ERC2: variants seen among roughly 807,000 people sequenced by gnomAD.
The protein encoded by ERC2 is ERC protein 2.
In ERC2, 42 loss-of-function variants were observed where a neutral mutation model predicts 114.8. The ratio of observed to expected loss-of-function variants is 0.37; its 90% CI spans 0.29 to 0.47. ERC2 has a LOEUF of 0.47. ERC2 is among the 20% of genes least tolerant of loss of function. ERC2 has a pLI of 0.99. For missense variants in ERC2, 939 were observed against 1,150.7 expected, an observed-to-expected ratio of 0.82 and a Z score of 2.66; for synonymous variants, 454 against 425.5, an observed-to-expected ratio of 1.07 and a Z score of -0.82.
chr3:55,972,963 G>C (rs1372403339), intron 12 of ERC2, among the ~76,000 whole-genome samples: 1 of 152,178 alleles, frequency 6.6e-6, no homozygotes, highest in African/African-American at 2.4e-5. Flanking sequence ...ACACTGAATG[G>C]GGAATGAGGG....
intron 17 of ERC2, among the ~76,000 whole-genome samples, chr3:55,671,318 T>C (rs932042589): frequency 2.0e-5 from 3 of 152,194 alleles, no homozygotes; most frequent in African/African-American, 2.4e-5. Flanking sequence ...ATTTCTTCAA[T>C]AAAAAAATCT....
intron 17 of ERC2, among the ~76,000 whole-genome samples, chr3:55,622,725 C>G (rs1347384223): frequency 6.6e-6 from 1 of 151,810 alleles, no homozygotes; most frequent in African/African-American, 2.4e-5. Context: ...TTTGTTTATA[C>G]TCTGCCTTGG....
chr3:55,906,106 T>TTA (rs1040115435), intron 13 of ERC2, among the ~76,000 whole-genome samples: 1 of 152,164 alleles, frequency 6.6e-6, no homozygotes, highest in African/African-American at 2.4e-5. Flanking sequence ...TGGCTGACAC[T>TTA]TAGTAAGTAC....
intron 13 of ERC2, among the ~76,000 whole-genome samples, chr3:55,903,224 A>G (rs151097630): frequency 3.3e-5 from 5 of 152,358 alleles, no homozygotes; most frequent in Non-Finnish European, 7.3e-5. Flanking sequence ...TATATTTTCA[A>G]AATAAATGAT....
At chr3:56,094,174 T>C (rs2077936946) in intron 6 of ERC2, among the ~76,000 whole-genome samples, 1 of 152,180 alleles carries the variant, frequency 6.6e-6, no homozygotes, top group Admixed American at 6.5e-5. Flanking sequence ...GCCATCAAAT[T>C]TGTAAGGTGT....
intron 2 of ERC2, among the ~76,000 whole-genome samples, chr3:56,415,200 A>G (rs2061101430): frequency 1.3e-5 from 2 of 152,210 alleles, no homozygotes; most frequent in Non-Finnish European, 2.9e-5. Flanking sequence ...TGTACCTTTC[A>G]TTCAACAACT....
At chr3:56,402,725 G>A (rs1307023206) in intron 2 of ERC2, among the ~76,000 whole-genome samples, 2 of 152,294 alleles carry the variant, frequency 1.3e-5, no homozygotes, top group African/African-American at 4.8e-5. Flanking sequence ...CAGTAAGGTT[G>A]AGCATCATTC....
At position 55,886,123 on chromosome 3, in the gene ERC2, C is replaced by A. The variant is rs764801135; in HGVS notation, c.2564+2266G>T. Among the ~76,000 whole-genome samples, 34 of 152,112 alleles carry A rather than the reference C, an allele frequency of 2.2e-4. 1 individual carries two copies. Among genetic ancestry groups the A allele is most frequent in the Admixed American group, 5.2e-4 (8 of 15,264 alleles). ...ACTAGGCTGGACTTGACACATAACA[C>A]ACAGGGAGGAAGACGAGAGACAGGT... On this transcript the variant is annotated intron_variant, in intron 14 of 17. Coordinates refer to ENST00000288221, the MANE Select transcript of ERC2 (RefSeq NM_015576.3).
chr3:55,917,993 A>T lies in ERC2; in HGVS notation c.2404-29444T>A, dbSNP rs73083347. 8.5e-3 allele frequency among the ~76,000 whole-genome samples: 1,285 copies of T among 151,692 alleles called. 7 individuals are homozygous for T. Among genetic ancestry groups the T allele is most frequent in the Non-Finnish European group, 0.014 (951 of 67,794 alleles). On this transcript the variant is annotated intron_variant, in intron 13 of 17. Coordinates refer to ENST00000288221, the MANE Select transcript of ERC2 (RefSeq NM_015576.3). ...AACACTGAAATCTCGGTGGCTTATT[A>T]TAAGTTTATTTCTAGCTCAAATTTT... is the stretch of plus-strand genomic sequence containing the variant.
intron 2 of ERC2, among the ~76,000 whole-genome samples, chr3:56,371,459 C>G (rs1003606068): frequency 9.2e-5 from 14 of 152,194 alleles, no homozygotes; most frequent in Middle Eastern, 3.2e-3. Context: ...GTGTCAAACA[C>G]GACAAGTAAT....
In ERC2 at chr3:56,325,401, G is replaced by A. The variant is rs370758166; in HGVS notation, c.658-28966C>T. 1.4e-4 allele frequency among the ~76,000 whole-genome samples: 22 copies of A among 152,062 alleles called. No homozygotes were observed. In the South Asian group the frequency reaches 3.7e-3, roughly 26 times the overall value. On this transcript the variant is annotated intron_variant, in intron 2 of 17. Coordinates refer to ENST00000288221, the MANE Select transcript of ERC2 (RefSeq NM_015576.3). The stretch of plus-strand genomic sequence containing the variant: ...GCAGAGCTTGCAGTGAGCCAAGATC[G>A]TGCCACTGCACTCCAGCCTGGGCGA...
chr3:55,669,159 A>G (rs539021908), intron 17 of ERC2, among the ~76,000 whole-genome samples: 28 of 152,288 alleles, frequency 1.8e-4, no homozygotes, highest in Non-Finnish European at 2.9e-4. Context: ...TCACCCTAAA[A>G]TTTCCCAACA....
intron 17 of ERC2, among the ~76,000 whole-genome samples, chr3:55,594,641 C>T (rs1366357788): frequency 6.6e-6 from 1 of 152,058 alleles, no homozygotes; most frequent in East Asian, 1.9e-4. Context: ...TGCCACCACA[C>T]ATGGTTAATT....
chr3:56,459,976 G>C (rs2063237413), intron 1 of ERC2, among the ~76,000 whole-genome samples: 1 of 152,216 alleles, frequency 6.6e-6, no homozygotes, highest in Admixed American at 6.5e-5. Context: ...AAGTGGAGAA[G>C]TAATGCCCAA....
chr3:56,418,729 C>T (rs1418146985), intron 2 of ERC2, among the ~76,000 whole-genome samples: 1 of 152,140 alleles, frequency 6.6e-6, no homozygotes, highest in Admixed American at 6.5e-5. Context: ...TAGGTGGGTA[C>T]ACTAAATGGG....
rs147993301 is a variant in ERC2 at position 55,714,266 on chromosome 3, G to T, written c.2713-14754C>A. On this transcript the variant is annotated intron_variant, in intron 15 of 17. Transcript: ENST00000288221. ...CATAAACTTTCTCAAGGGCAATTTG[G>T]CACTAGGTATCAAAATTTAACATAT... Among the ~76,000 whole-genome samples, 1,273 of 152,182 alleles carry T rather than the reference G, an allele frequency of 8.4e-3. 9 individuals carry two copies. Among genetic ancestry groups the T allele is most frequent in the Middle Eastern group, 0.027 (8 of 294 alleles).
At chr3:56,334,177 T>C (rs2057752347) in intron 2 of ERC2, among the ~76,000 whole-genome samples, 1 of 152,182 alleles carries the variant, frequency 6.6e-6, no homozygotes, top group African/African-American at 2.4e-5. Flanking sequence ...CCAAATCCCT[T>C]GGATGCCAAG....
chr3:56,444,558 T>C (rs1428388994), intron 1 of ERC2, among the ~76,000 whole-genome samples: 4 of 152,160 alleles, frequency 2.6e-5, no homozygotes, highest in Non-Finnish European at 5.9e-5. Context: ...AAATAAGATA[T>C]ACAGTCATCC....
chr3:56,111,116 G>A (rs1271662314), intron 6 of ERC2, among the ~76,000 whole-genome samples: 1 of 152,062 alleles, frequency 6.6e-6, no homozygotes, highest in Non-Finnish European at 1.5e-5. Context: ...TATGTGTGAA[G>A]GAATGTGTCC....
Sources: gnomAD v4.1 joint callset for allele counts (sites outside exome capture counted in the v4.1 genomes callset) on GRCh38, gnomAD v4.1.1 for gene constraint, MANE v1.5 for transcripts, NCBI Gene and HGNC (gene_info 2026-07-23, HGNC 2026-07-21) for gene names.